Variants in EMCN observed in about 807,000 individuals in gnomAD.
EMCN encodes the protein MUC-14.
A neutral mutation model predicts 38.4 loss-of-function variants in EMCN; 37 were observed. That is an observed-to-expected ratio of 0.96 (90% CI 0.74 to 1.27). The LOEUF (loss-of-function observed/expected upper bound fraction) is 1.27. Among genes scored for constraint, EMCN ranks in the 50% most tolerant of loss-of-function variants. The probability of loss-of-function intolerance (pLI) is 0.00; values close to 1 mark genes in which losing one functional copy is unlikely to be tolerated. For synonymous variants in EMCN, 95 were observed against 100.8 expected (o/e 0.94, Z 0.35); for missense variants, 318 against 302.8 (o/e 1.05, Z -0.37).
chr4:100,484,256 A>G (rs1578224922), intron 1 of EMCN, among the ~76,000 whole-genome samples: 1 of 152,144 alleles, frequency 6.6e-6, no homozygotes, highest in East Asian at 1.9e-4. Flanking sequence ...TAGGGTCTTT[A>G]ATGTGAACTT....
At chr4:100,478,054 T>G (rs1728707605) in intron 2 of EMCN, among the ~76,000 whole-genome samples, 1 of 152,218 alleles carries the variant, frequency 6.6e-6, no homozygotes, top group Non-Finnish European at 1.5e-5. Context: ...TACACAGTGG[T>G]GATCAAGTAA....
intron 10 of EMCN, among the ~76,000 whole-genome samples, chr4:100,413,628 A>C (rs935677413): frequency 9.2e-5 from 14 of 152,234 alleles, no homozygotes; most frequent in African/African-American, 3.4e-4. Context: ...ATTATATTTT[A>C]GATGATAAAT....
intron 5 of EMCN, among the ~76,000 whole-genome samples, chr4:100,428,807 T>C (rs1043082632): frequency 2.0e-5 from 3 of 152,166 alleles, no homozygotes; most frequent in Non-Finnish European, 4.4e-5. Flanking sequence ...CACCACTAAA[T>C]GTTGAAGAAA....
intron 5 of EMCN, among the ~76,000 whole-genome samples, chr4:100,429,212 C>A (rs182378605): frequency 6.6e-6 from 1 of 152,170 alleles, no homozygotes; most frequent in African/African-American, 2.4e-5. Context: ...AACATGAGGT[C>A]TACTCTGGGC....
At chr4:100,488,122 C>T (rs1056896420) in intron 1 of EMCN, among the ~76,000 whole-genome samples, 2 of 152,150 alleles carry the variant, frequency 1.3e-5, no homozygotes, top group African/African-American at 2.4e-5. Flanking sequence ...CCTTGCTGGG[C>T]CTCCATTTTT....
intron 4 of EMCN, among the ~76,000 whole-genome samples, chr4:100,452,275 ATAAT>A (rs1355256786): frequency 3.9e-5 from 6 of 152,094 alleles, no homozygotes; most frequent in Non-Finnish European, 7.4e-5. Context: ...AATACATTTG[ATAAT>A]TTATTTATTA....
At chr4:100,428,466 T>C (rs1727112400) in intron 5 of EMCN, among the ~76,000 whole-genome samples, 1 of 152,204 alleles carries the variant, frequency 6.6e-6, no homozygotes, top group African/African-American at 2.4e-5. Flanking sequence ...TTATGCCTTT[T>C]AACTTACTAT....
chr4:100,517,335 C>G (rs951830523), intron 1 of EMCN, among the ~76,000 whole-genome samples: 14 of 152,088 alleles, frequency 9.2e-5, no homozygotes, highest in African/African-American at 3.4e-4. Flanking sequence ...GAATCTCTCT[C>G]TATTCACCCT....
intron 10 of EMCN, 39 bp downstream of exon 10, chr4:100,415,859 T>A: frequency 1.4e-6 from 2 of 1,382,216 alleles, no homozygotes; most frequent in Non-Finnish European, 2.0e-6. Context: ...GATTCTAAAA[T>A]AACTAATTTT....
At chr4:100,494,858 G>A (rs541757494) in intron 1 of EMCN, among the ~76,000 whole-genome samples, 2 of 151,866 alleles carry the variant, frequency 1.3e-5, no homozygotes, top group South Asian at 4.1e-4. Context: ...GCATCCAAAG[G>A]ACTTTTAAGA....
rs1456526576 is a variant in EMCN at position 100,480,045 on chromosome 4, A to G, written c.65-6T>C. The G allele has an allele frequency of 1.2e-6, 2 of 1,604,180 alleles. No homozygotes were observed. Among genetic ancestry groups the G allele is most frequent in the Non-Finnish European group, 1.7e-6 (2 of 1,175,940 alleles). On this transcript the variant is annotated splice_polypyrimidine_tract_variant and splice_region_variant and intron_variant, in intron 1 of 11. Transcript: ENST00000296420. ...ATTAGCTGCCTCTAAAACACCTGAA[A>G]AAAGTAAAGTAGTTGCATTAACATT...
At chr4:100,406,828 G>A (rs867030681) in intron 11 of EMCN, among the ~76,000 whole-genome samples, 13 of 152,076 alleles carry the variant, frequency 8.5e-5, no homozygotes, top group African/African-American at 1.7e-4. Context: ...CATCAGTGGG[G>A]TGTTGAAATC....
rs747295104 is a variant in EMCN at position 100,423,055 on chromosome 4, A to G, written c.534T>C (p.Asn178=). The G allele has an allele frequency of 5.6e-6, 9 of 1,612,484 alleles. No individual in the cohort carries two copies. The Admixed American group carries it at 1.5e-4, about 27-fold the overall frequency. ...ACCGGCTGGTTGCTGAAGTGCTTGC[A>G]TTTTTTCCACCCTCAGTGCCTATTA... The part of the protein sequence containing the change: ...SQVIGTEGGK[N]ASTSATSRSY... The change falls in exon 7 of 12, where the codon AAT becomes AAC. Residue 178 remains asparagine, a synonymous_variant. Coordinates refer to ENST00000296420, the MANE Select transcript of EMCN (RefSeq NM_016242.4).
In EMCN at chr4:100,430,220, A is replaced by T. The variant is rs1368627810; in HGVS notation, c.416-6816T>A. On this transcript the variant is annotated intron_variant, in intron 5 of 11. Coordinates refer to ENST00000296420, the MANE Select transcript of EMCN (RefSeq NM_016242.4). ...TTTGCATTTTACAAAGTAGAAACTG[A>T]TGCCTTGAGAGATTCATTTGCCCAG... Among the ~76,000 whole-genome samples, 3 of 152,144 alleles carry T rather than the reference A, an allele frequency of 2.0e-5. No individual in the cohort carries two copies. The East Asian group carries it at 5.8e-4, about 29-fold the overall frequency.
intron 2 of EMCN, among the ~76,000 whole-genome samples, chr4:100,476,678 A>G (rs1728660054): frequency 6.6e-6 from 1 of 152,234 alleles, no homozygotes; most frequent in Admixed American, 6.5e-5. Context: ...TCTTTGAGAA[A>G]CATGTTGAAT....
Position 100,417,107 on chromosome 4 carries a change from G to T in EMCN, c.689+10C>A, listed in dbSNP as rs766228797. ...AGGGTCTAAACAAAAGATGATATGG[G>T]CTTACTTACTGATCATTTCCATTTT... On this transcript the variant is annotated intron_variant, in intron 9 of 11. Coordinates refer to ENST00000296420, the MANE Select transcript of EMCN (RefSeq NM_016242.4). 6.2e-7 allele frequency: 1 copy of T among 1,613,174 alleles called. No homozygotes were observed.
At chr4:100,482,685 A>G (rs550207415) in intron 1 of EMCN, among the ~76,000 whole-genome samples, 20 of 152,242 alleles carry the variant, frequency 1.3e-4, no homozygotes, top group African/African-American at 4.8e-4. Flanking sequence ...CCAGACCAAG[A>G]TTTAAGATTT....
At chr4:100,408,276 T>G (rs1221656360) in intron 11 of EMCN, among the ~76,000 whole-genome samples, 1 of 152,172 alleles carries the variant, frequency 6.6e-6, no homozygotes, top group Non-Finnish European at 1.5e-5. Context: ...GTTCAGTCAT[T>G]TGGAGGTAAG....
intron 5 of EMCN, among the ~76,000 whole-genome samples, chr4:100,443,352 G>T (rs1375075680): frequency 6.6e-6 from 1 of 152,194 alleles, no homozygotes; most frequent in Non-Finnish European, 1.5e-5. Context: ...TTGCATATGG[G>T]TCTGAGGCTG....
Sources: gnomAD v4.1 joint callset for allele counts (sites outside exome capture counted in the v4.1 genomes callset) on GRCh38, gnomAD v4.1.1 for gene constraint, MANE v1.5 for transcripts, NCBI Gene and HGNC (gene_info 2026-07-23, HGNC 2026-07-21) for gene names.